Variants in SLC22A15 observed in about 807,000 individuals in gnomAD.
SLC22A15 encodes the protein solute carrier family 22 member 15, also known as flipt 1.
In SLC22A15, 45 loss-of-function variants were observed where a neutral mutation model predicts 62.7. The observed-to-expected ratio is 0.72, with a 90% CI of 0.56 to 0.92. The LOEUF is 0.92. SLC22A15 is among the 40% of genes least tolerant of loss of function. SLC22A15 has a pLI of 0.00. For synonymous variants in SLC22A15, 264 were observed against 267.0 expected, an observed-to-expected ratio of 0.99 and a Z score of 0.11; for missense variants, 622 against 665.6, an observed-to-expected ratio of 0.93 and a Z score of 0.72.
rs1372894552 is a variant in SLC22A15 at position 116,064,462 on chromosome 1, T to C, written c.1319T>C (p.Met440Thr). The C allele has an allele frequency of 6.2e-7, 1 of 1,613,500 alleles. No homozygotes were observed. Among genetic ancestry groups the C allele is most frequent in the Non-Finnish European group, 8.5e-7 (1 of 1,179,592 alleles). Reference sequence around the variant, plus strand: ...AATGTTGGGCTTGGAACTTGTTCCATGTTCTCCCGAGTTGGTGGGATTATT... The same window carrying C: ...AATGTTGGGCTTGGAACTTGTTCCACGTTCTCCCGAGTTGGTGGGATTATT... The part of the protein sequence containing the change: ...IRNVGLGTCS[M>T]FSRVGGIIAP... The change falls in exon 10 of 12, where the codon ATG (methionine) becomes ACG (threonine). Residue 440 changes from methionine (M) to threonine (T), a missense_variant. Transcript: ENST00000369503.
chr1:116,040,906 G>C (rs1487418583), intron 8 of SLC22A15, among the ~76,000 whole-genome samples: 1 of 152,208 alleles, frequency 6.6e-6, no homozygotes, highest in Non-Finnish European at 1.5e-5. Flanking sequence ...TGCCTGGCCA[G>C]ATAAGAGTTT....
chr1:116,038,406 C>G (rs1657689453), intron 8 of SLC22A15, among the ~76,000 whole-genome samples: 2 of 152,192 alleles, frequency 1.3e-5, no homozygotes, highest in South Asian at 4.1e-4. Flanking sequence ...CATGTGTTCT[C>G]CCTGTTTTAT....
chr1:116,048,672 G>A (rs1357252191), intron 8 of SLC22A15, among the ~76,000 whole-genome samples: 1 of 152,030 alleles, frequency 6.6e-6, no homozygotes, highest in African/African-American at 2.4e-5. Flanking sequence ...CAAAATACGA[G>A]TTAAAAAGCA....
intron 4 of SLC22A15, among the ~76,000 whole-genome samples, chr1:116,025,459 C>T (rs758739309): frequency 6.6e-6 from 1 of 152,192 alleles, no homozygotes; most frequent in Non-Finnish European, 1.5e-5. Flanking sequence ...CTCTCCCTTT[C>T]CTCACTAGGT....
chr1:115,992,479 C>A (rs1404956942), intron 2 of SLC22A15, among the ~76,000 whole-genome samples: 1 of 152,126 alleles, frequency 6.6e-6, no homozygotes, highest in African/African-American at 2.4e-5. Context: ...TGAAAAGATA[C>A]AAACTCCAAA....
At chr1:116,052,071 G>A (rs1658068735) in intron 8 of SLC22A15, among the ~76,000 whole-genome samples, 1 of 152,226 alleles carries the variant, frequency 6.6e-6, no homozygotes, top group Non-Finnish European at 1.5e-5. Flanking sequence ...TGGGTGCAGT[G>A]CACCATGCGC....
chr1:116,069,657 A>C lies in SLC22A15; in HGVS notation c.*2549A>C, dbSNP rs1658573567. ...ATTTTGTGAGTTACAACCACAGCCCAGTAAAACCAATACTTGTTATTTGGC... is the reference window on the plus strand; with the variant it reads ...ATTTTGTGAGTTACAACCACAGCCCCGTAAAACCAATACTTGTTATTTGGC... On this transcript the variant is annotated 3_prime_UTR_variant, in exon 12 of 12. Transcript: ENST00000369503. 1 of 152,188 alleles carries C rather than the reference A, an allele frequency of 6.6e-6. No individual in the cohort carries two copies. The highest frequency in any genetic ancestry group is 1.5e-5 in the Non-Finnish European group (1 of 68,018). 9.4% of individuals were successfully genotyped at this position (152,188 alleles called of 1,614,324 possible).
rs139621945 is a variant in SLC22A15, at chr1:115,991,999, C to CA, written c.88-31dup. ...CTTCAACATTGATGGCAAATATCTGCAGTGTTTGGTTCTGTGTGTTTGCTC... is the reference window on the plus strand; with the variant it reads ...CTTCAACATTGATGGCAAATATCTGCAAGTGTTTGGTTCTGTGTGTTTGCTC... On this transcript the variant is annotated intron_variant, in intron 1 of 11. Transcript: ENST00000369503. 1.9e-3 allele frequency: 2,974 copies of CA among 1,579,764 alleles called. 6 individuals are homozygous for CA. Among genetic ancestry groups the CA allele is most frequent in the Non-Finnish European group, 2.2e-3 (2,570 of 1,150,752 alleles).
intron 6 of SLC22A15, 59 bp downstream of exon 6, chr1:116,031,640 GA>G: frequency 1.2e-6 from 2 of 1,600,068 alleles, no homozygotes; most frequent in Non-Finnish European, 1.7e-6. Flanking sequence ...AGCTTCTCTT[GA>G]TATCCTGCTC....
chr1:115,981,004 G>A (rs1192069498), intron 1 of SLC22A15, among the ~76,000 whole-genome samples: 2 of 152,102 alleles, frequency 1.3e-5, no homozygotes, highest in African/African-American at 4.8e-5. Flanking sequence ...GGGTGGGGTA[G>A]AGTGAGTTTT....
intron 6 of SLC22A15, chr1:116,031,855 T>C: frequency 7.9e-7 from 1 of 1,271,948 alleles, no homozygotes; most frequent in Non-Finnish European, 9.9e-7. Flanking sequence ...GAGGTATTTA[T>C]CATAAATATT....
chr1:116,019,549 T>C lies in SLC22A15; in HGVS notation c.301-33T>C, dbSNP rs766976273. 56 of 1,570,722 alleles carry C rather than the reference T, an allele frequency of 3.6e-5. No homozygotes were observed. The East Asian group carries it at 1.2e-3, about 33-fold the overall frequency. On this transcript the variant is annotated intron_variant, in intron 2 of 11. Transcript: ENST00000369503. ...GGTTTTTTAATAGCTAACTGAATCC[T>C]ACATGTCTCTCTTTTGTTTTATCTT...
intron 2 of SLC22A15, among the ~76,000 whole-genome samples, chr1:116,016,281 CAGGCTCACTGTAA>C (rs1330269816): frequency 6.6e-6 from 1 of 151,908 alleles, no homozygotes; most frequent in Non-Finnish European, 1.5e-5. Context: ...CCCAACCTCC[CAGGCTCACTGTAA>C]TGGCTCACTG....
At chr1:115,987,126 G>A (rs962835866) in intron 1 of SLC22A15, among the ~76,000 whole-genome samples, 1 of 151,480 alleles carries the variant, frequency 6.6e-6, no homozygotes, top group Non-Finnish European at 1.5e-5. Flanking sequence ...TTCATGAGGA[G>A]TTTCAGGGAG....
chr1:115,999,245 A>G (rs1285847652), intron 2 of SLC22A15, among the ~76,000 whole-genome samples: 1 of 152,220 alleles, frequency 6.6e-6, no homozygotes, highest in African/African-American at 2.4e-5. Context: ...GAATGGAAGA[A>G]TGCATATTCT....
chr1:116,048,706 G>C (rs1657986824), intron 8 of SLC22A15, among the ~76,000 whole-genome samples: 1 of 152,074 alleles, frequency 6.6e-6, no homozygotes, highest in Non-Finnish European at 1.5e-5. Context: ...ACCCAAGGTA[G>C]ACAGGCAAAA....
Position 116,063,800 on chromosome 1 carries a change from C to A in SLC22A15, c.1293-636C>A, listed in dbSNP as rs181449188. On this transcript the variant is annotated intron_variant, in intron 9 of 11. Coordinates refer to ENST00000369503, the MANE Select transcript of SLC22A15 (RefSeq NM_018420.3). ...GCTGGGATTACAGAGTGCTGTATCC[C>A]TCTACCCAAAACCATTAATTATCAT... Among the ~76,000 whole-genome samples, 185 of 152,236 alleles carry A rather than the reference C, an allele frequency of 1.2e-3. 1 individual carries two copies. Among genetic ancestry groups the A allele is most frequent in the Non-Finnish European group, 2.2e-3 (147 of 68,000 alleles).
intron 4 of SLC22A15, 148 bp from the exon 5 acceptor site, chr1:116,026,745 A>ATTTTTTTTTTT: frequency 2.4e-6 from 2 of 831,838 alleles, no homozygotes; most frequent in Non-Finnish European, 1.8e-6. Flanking sequence ...CTTAGTGTAG[A>ATTTTTTTTTTT]TTTTTTTTTC....
chr1:116,009,184 T>C (rs1055788257), intron 2 of SLC22A15, among the ~76,000 whole-genome samples: 2 of 152,136 alleles, frequency 1.3e-5, no homozygotes, highest in Admixed American at 6.5e-5. Context: ...TCTGAATAGA[T>C]TCAGGGAGAC....
Sources: allele counts gnomAD v4.1 joint callset (sites outside exome capture counted in the v4.1 genomes callset), GRCh38; gene constraint gnomAD v4.1.1; transcripts MANE v1.5; gene names NCBI Gene and HGNC (gene_info 2026-07-23, HGNC 2026-07-21).